The following HUWE1 variants were observed in gnomAD, a reference collection of about 807,000 sequenced individuals.
HUWE1 encodes the protein E3 ubiquitin-protein ligase HUWE1.
A neutral mutation model predicts 299.4 loss-of-function variants in HUWE1; 18 were observed. The ratio of observed to expected loss-of-function variants is 0.06; its 90% CI spans 0.04 to 0.09. HUWE1 has a LOEUF of 0.09. Among genes scored for constraint, HUWE1 ranks in the 10% least tolerant of loss-of-function variants. HUWE1 has a pLI of 1.00. For missense variants in HUWE1, 1,832 were observed against 3,462.3 expected (o/e 0.53, Z 11.82); for synonymous variants, 1,317 against 1,286.1 (o/e 1.02, Z -0.51).
chrX:53,684,300 G>C (rs1557054877), intron 2 of HUWE1: 1 of 127,984 alleles, frequency 7.8e-6, no homozygotes, highest in Admixed American at 9.0e-5. Flanking sequence ...ATGAGATATC[G>C]CGAGACCTGG....
intron 17 of HUWE1, chrX:53,625,562 C>G: frequency 4.3e-6 from 1 of 234,353 alleles, no homozygotes; most frequent in Non-Finnish European, 7.6e-6. Flanking sequence ...TGCCCTCCAA[C>G]ATGGCTGTTT....
intron 3 of HUWE1, among the ~76,000 whole-genome samples, chrX:53,654,409 T>TGAAAATAAGAGTGTA (rs2068649963): frequency 1.8e-5 from 2 of 111,946 alleles, no homozygotes; most frequent in African/African-American, 6.5e-5. Flanking sequence ...CATCTCAAAC[T>TGAAAATAAGAGTGTA]CTTAATTGAA....
At chrX:53,578,325 CCGG>C (rs1487964274) in intron 43 of HUWE1, among the ~76,000 whole-genome samples, 1 of 108,486 alleles carries the variant, frequency 9.2e-6, no homozygotes, top group African/African-American at 3.4e-5. Flanking sequence ...GCGTCTCCGC[CCGG>C]CAGCCACCCC....
intron 17 of HUWE1, chrX:53,626,171 G>A (rs2066487314): frequency 3.5e-6 from 1 of 282,806 alleles, no homozygotes; most frequent in Admixed American, 4.9e-5. Flanking sequence ...ACCCCAAAAT[G>A]AAAATATATC....
chrX:53,538,231 T>A, intron 77 of HUWE1, 106 bp downstream of exon 77: 2 of 565,298 alleles, frequency 3.5e-6, no homozygotes, highest in Non-Finnish European at 6.3e-6. Context: ...CCATTCCAAG[T>A]GCTGTCACCA....
At chrX:53,577,468 A>AAAAAAAAC (rs2063169404) in intron 43 of HUWE1, among the ~76,000 whole-genome samples, 1 of 98,389 alleles carries the variant, frequency 1.0e-5, no homozygotes, top group African/African-American at 3.7e-5. Flanking sequence ...AAAAAAAAAA[A>AAAAAAAAC]AAAAAAAACT....
At chrX:53,542,131 A>C (rs1426740111) in intron 74 of HUWE1, among the ~76,000 whole-genome samples, 2 of 112,139 alleles carry the variant, frequency 1.8e-5, no homozygotes, top group Non-Finnish European at 3.8e-5. Context: ...TGCAGTGAGC[A>C]GACATCGTGC....
chrX:53,552,930 C>T, intron 61 of HUWE1, 37 bp from the exon 62 acceptor site: 13 of 1,207,062 alleles, frequency 1.1e-5, no homozygotes, highest in Non-Finnish European at 1.5e-5. Context: ...AGGTTTCTAT[C>T]TGGAACCGGG....
At chrX:53,545,272 G>C (rs996207978) in intron 70 of HUWE1, 111 bp from the exon 71 acceptor site, 3 of 750,700 alleles carry the variant, frequency 4.0e-6, no homozygotes, top group Non-Finnish European at 6.0e-6. Context: ...CTCAGCTGCA[G>C]AGAACCTAGA....
chrX:53,563,379 ACAC>A (rs1442303181), intron 52 of HUWE1, among the ~76,000 whole-genome samples: 3 of 111,480 alleles, frequency 2.7e-5, no homozygotes, highest in Non-Finnish European at 5.7e-5. Flanking sequence ...CATTCTTTTT[ACAC>A]TACTGAGACT....
intron 60 of HUWE1, chrX:53,556,253 A>C (rs1209516675): frequency 2.9e-6 from 1 of 344,489 alleles, no homozygotes; most frequent in Non-Finnish European, 5.9e-6. Context: ...GAAAGTAGTA[A>C]GTTGTATAGT....
intron 46 of HUWE1, 24 bp from the exon 47 acceptor site, chrX:53,573,988 G>C (rs782550993): frequency 1.7e-6 from 2 of 1,147,561 alleles, no homozygotes; most frequent in Admixed American, 4.4e-5. Context: ...TCAAACACTG[G>C]TTCAATTCCA....
chrX:53,625,882 CA>C (rs1646634812), intron 17 of HUWE1: 18 of 317,504 alleles, frequency 5.7e-5, no homozygotes, highest in South Asian at 2.4e-4. Flanking sequence ...GGGCCGGGGC[CA>C]GGGCCGGTGC....
Position 53,595,299 on chromosome X carries a change from T to C in HUWE1, c.3268A>G (p.Thr1090Ala). 1 of 1,210,632 alleles carries C rather than the reference T, an allele frequency of 8.3e-7. No homozygotes were observed. The highest frequency in any genetic ancestry group is 1.7e-5 in the African/African-American group (1 of 57,652). Residue 1090 changes from threonine to alanine, a missense_variant, in exon 30 of 84, where the codon ACC (threonine) becomes GCC (alanine). By Grantham distance (58) the Thr-to-Ala change is moderately conservative (BLOSUM62 0). Coordinates refer to ENST00000262854, the MANE Select transcript of HUWE1 (RefSeq NM_031407.7). ...GCGGCAGGTGTCGGTGCTGTAGTGG[T>C]GCTGGCAGCATGATGGCTCCTTCTC... Reference protein sequence around the residue: ...RQRRSHHAASTTTAPTPAARS... With the variant: ...RQRRSHHAASATTAPTPAARS...
intron 34 of HUWE1, among the ~76,000 whole-genome samples, 184 bp from the exon 35 acceptor site, chrX:53,590,683 A>G (rs1207144166): frequency 8.9e-6 from 1 of 112,537 alleles, no homozygotes; most frequent in Non-Finnish European, 1.9e-5. Flanking sequence ...ACAAACAAGA[A>G]CAGATGAGGA....
intron 43 of HUWE1, among the ~76,000 whole-genome samples, chrX:53,579,070 T>TG (rs1353374738): frequency 3.3e-5 from 1 of 30,124 alleles, no homozygotes; most frequent in Non-Finnish European, 5.9e-5. Context: ...GGGAGGGAGG[T>TG]GGGGGGGTCA....
rs1556920594 is a variant in HUWE1 at position 53,543,862 on chromosome X, C to T, written c.11358G>A (p.Arg3786=). 1.7e-6 allele frequency: 2 copies of T among 1,211,284 alleles called. No homozygotes were observed. Among genetic ancestry groups the T allele is most frequent in the Non-Finnish European group, 2.2e-6 (2 of 895,157 alleles). The change falls in exon 73 of 84, where the codon CGG becomes CGA. Residue 3786 remains arginine, a synonymous_variant. Coordinates refer to ENST00000262854, the MANE Select transcript of HUWE1 (RefSeq NM_031407.7). ...TAACCGTTGCTGCTTGTTGCTGTCT[C>T]CGCGCCCTTTGACCCTCACGTACCA... ...IQMVREGQRA[R]RQQQAATSES...
chrX:53,536,325 A>G (rs2061064894), intron 79 of HUWE1, 55 bp downstream of exon 79: 1 of 1,182,805 alleles, frequency 8.5e-7, no homozygotes, highest in East Asian at 3.0e-5. Context: ...ATGGGACACA[A>G]AAAGACCAGA....
rs781907493 is a variant in HUWE1 at position 53,606,273 on chromosome X, CAAAT to C, written c.2496+1246_2496+1249del. Reference sequence around the variant, plus strand: ...ACACAACTCTTACAACTCAACAAAACAAATAACACGATTAAAAAAGAACAATGAA... The same window carrying C: ...ACACAACTCTTACAACTCAACAAAACAACACGATTAAAAAAGAACAATGAA... On this transcript the variant is annotated intron_variant, in intron 25 of 83. Transcript: ENST00000262854. Among the ~76,000 whole-genome samples, 426 of 111,733 alleles carry C rather than the reference CAAAT, an allele frequency of 3.8e-3. 1 individual carries two copies. The highest frequency in any genetic ancestry group is 6.6e-3 in the Admixed American group (70 of 10,585).
Sources: allele counts gnomAD v4.1 joint callset (sites outside exome capture counted in the v4.1 genomes callset), GRCh38; gene constraint gnomAD v4.1.1; transcripts MANE v1.5; gene names NCBI Gene and HGNC (gene_info 2026-07-23, HGNC 2026-07-21).